The following GAS2L3 variants were observed in gnomAD, a reference collection of about 807,000 sequenced individuals.
GAS2L3 encodes growth arrest specific 2 like 3, also known as GAS2-like protein 3.
Under a neutral mutation model 37.0 loss-of-function variants are expected in GAS2L3, and 28 were observed. That is an observed-to-expected ratio of 0.76 (90% CI 0.56 to 1.04). GAS2L3 has a LOEUF of 1.04. Among genes scored for constraint, GAS2L3 ranks in the 50% least tolerant of loss-of-function variants. The pLI is 0.00. For synonymous variants in GAS2L3, 290 were observed against 296.6 expected, an observed-to-expected ratio of 0.98 and a Z score of 0.23; for missense variants, 793 against 817.6, an observed-to-expected ratio of 0.97 and a Z score of 0.37.
intron 1 of GAS2L3, among the ~76,000 whole-genome samples, chr12:100,587,688 C>A (rs112993000): frequency 0.016 from 2,405 of 152,234 alleles, 65 homozygotes; most frequent in African/African-American, 0.055. Flanking sequence ...ACAAGGATGC[C>A]CACTCTGACC....
intron 5 of GAS2L3, among the ~76,000 whole-genome samples, chr12:100,605,755 G>A (rs981730483): frequency 5.3e-5 from 8 of 151,258 alleles, no homozygotes; most frequent in East Asian, 1.9e-4. Context: ...CCCACTGGTC[G>A]GTCATTCAGA....
At position 100,623,727 on chromosome 12, in the gene GAS2L3, C is replaced by T. The variant is rs529481088; in HGVS notation, c.922C>T (p.Pro308Ser). Residue 308 changes from proline to serine, a missense_variant, in exon 10 of 10, where the codon CCT (proline) becomes TCT (serine). Physicochemically the swap from Pro to Ser is moderately conservative, Grantham distance 74. Coordinates refer to ENST00000547754, the MANE Select transcript of GAS2L3 (RefSeq NM_174942.3). ...TTCTAATGAAAGTGTACCTGATTCG[C>T]CTGCCAGAACACCTCAGCCTCCTGA... ...GVSNESVPDS[P>S]ARTPQPPEMN... 1.2e-5 allele frequency: 19 copies of T among 1,613,946 alleles called. No individual in the cohort carries two copies. The African/African-American group carries it at 2.5e-4, about 22-fold the overall frequency.
At chr12:100,579,312 A>C in intron 1 of GAS2L3, 1 of 651,402 alleles carries the variant, frequency 1.5e-6, no homozygotes, top group Non-Finnish European at 2.8e-6. Context: ...ACTAGTAAGG[A>C]AAATACCGTA....
At chr12:100,623,172 T>A (rs960812421) in intron 9 of GAS2L3, among the ~76,000 whole-genome samples, 1 of 152,156 alleles carries the variant, frequency 6.6e-6, no homozygotes, top group Admixed American at 6.6e-5. Context: ...GGCAGTATGA[T>A]GTAGTAGTGC....
At chr12:100,606,484 T>A (rs1956058604) in intron 5 of GAS2L3, among the ~76,000 whole-genome samples, 1 of 152,122 alleles carries the variant, frequency 6.6e-6, no homozygotes, top group Non-Finnish European at 1.5e-5. Context: ...TTACTCTATT[T>A]ACATTCAGTG....
At chr12:100,586,937 A>G (rs1197065500) in intron 1 of GAS2L3, among the ~76,000 whole-genome samples, 1 of 152,226 alleles carries the variant, frequency 6.6e-6, no homozygotes, top group African/African-American at 2.4e-5. Context: ...ATTCAAGGCT[A>G]CTATGAACAC....
intron 8 of GAS2L3, among the ~76,000 whole-genome samples, chr12:100,621,880 G>GGGGAGAGA (rs1262096300): frequency 1.0e-5 from 1 of 97,638 alleles, no homozygotes; most frequent in African/African-American, 4.7e-5. Context: ...AGGGTGGGGG[G>GGGGAGAGA]GGGAGAGAGA....
rs1172889724 is a variant in GAS2L3 at position 100,624,451 on chromosome 12, T to C, written c.1646T>C (p.Val549Ala). ...PSDGAPQAKP[V>A]PAQKLKSALN... Reference sequence around the variant, plus strand: ...GATGGAGCCCCACAAGCAAAGCCAGTCCCAGCACAGAAACTTAAATCGGCC... The same window carrying C: ...GATGGAGCCCCACAAGCAAAGCCAGCCCCAGCACAGAAACTTAAATCGGCC... Residue 549 changes from valine (V) to alanine (A), a missense_variant, in exon 10 of 10, where the codon GTC becomes GCC. Coordinates refer to ENST00000547754, the MANE Select transcript of GAS2L3 (RefSeq NM_174942.3). 3 of 1,613,972 alleles carry C rather than the reference T, an allele frequency of 1.9e-6. No homozygotes were observed. In the South Asian group the frequency reaches 3.3e-5, roughly 18 times the overall value.
At chr12:100,575,543 G>A (rs1168720676) in intron 1 of GAS2L3, among the ~76,000 whole-genome samples, 3 of 144,246 alleles carry the variant, frequency 2.1e-5, no homozygotes, top group Non-Finnish European at 4.5e-5. Flanking sequence ...GTGCAGTGGC[G>A]CGATCTCGGC....
intron 1 of GAS2L3, among the ~76,000 whole-genome samples, chr12:100,584,517 AT>A (rs1565797565): frequency 2.0e-5 from 3 of 150,820 alleles, no homozygotes; most frequent in South Asian, 2.1e-4. Context: ...CTCCTCCTGA[AT>A]TTTTTTCTTA....
chr12:100,593,862 T>C (rs1372239225), intron 2 of GAS2L3: 1 of 152,104 alleles, frequency 6.6e-6, no homozygotes, highest in Non-Finnish European at 1.5e-5. Context: ...AAGGACATTC[T>C]GTTGTCTTTT....
At chr12:100,579,975 C>A in intron 1 of GAS2L3, 1 of 894,684 alleles carries the variant, frequency 1.1e-6, no homozygotes. Flanking sequence ...AATGGACAAA[C>A]AACTGGACAG....
chr12:100,578,055 A>G (rs1955660337), intron 1 of GAS2L3, among the ~76,000 whole-genome samples: 1 of 152,234 alleles, frequency 6.6e-6, no homozygotes, highest in Admixed American at 6.5e-5. Flanking sequence ...ATGTCCTTGG[A>G]TCAGAGTTGT....
chr12:100,581,761 G>A (rs569016313), intron 1 of GAS2L3, among the ~76,000 whole-genome samples: 3 of 152,108 alleles, frequency 2.0e-5, no homozygotes, highest in South Asian at 4.2e-4. Context: ...CAATATTCAC[G>A]GTAAAGTGAG....
intron 1 of GAS2L3, chr12:100,580,266 C>CT: frequency 2.2e-6 from 1 of 451,982 alleles, no homozygotes; most frequent in Admixed American, 3.4e-5. Context: ...AAATAACCTG[C>CT]TTTTTGGGGG....
chr12:100,576,982 A>G (rs1364040813), intron 1 of GAS2L3, among the ~76,000 whole-genome samples: 5 of 152,200 alleles, frequency 3.3e-5, no homozygotes, highest in Non-Finnish European at 7.4e-5. Flanking sequence ...ACGTTTCTCT[A>G]AGAAAGTATA....
In GAS2L3 at chr12:100,622,749, TAAAAAAA is replaced by T; in HGVS notation, c.756+394_756+400del. ...ATCTAATAAGATTGAGTATCCATAG[TAAAAAAA>T]AAAAAAAAAAAAAAAAAAAAAAAAA... On this transcript the variant is annotated intron_variant, in intron 9 of 9. Coordinates refer to ENST00000547754, the MANE Select transcript of GAS2L3 (RefSeq NM_174942.3). Among the ~76,000 whole-genome samples the T allele has an allele frequency of 5.6e-4, 15 of 26,840 alleles. No individual in the cohort carries two copies. In the East Asian group the frequency reaches 0.013, roughly 22 times the overall value. The allele number at this position is 26,840 out of a possible 152,430, so 17.6% of individuals were successfully genotyped here. A position where few individuals can be genotyped will look rare whatever the true frequency, so the allele number is the denominator to read the frequency against.
rs1197130156 is a variant in GAS2L3 at position 100,618,601 on chromosome 12, A to T, written c.648+14A>T. On this transcript the variant is annotated intron_variant, in intron 8 of 9. Coordinates refer to ENST00000547754, the MANE Select transcript of GAS2L3 (RefSeq NM_174942.3). ...CTACATGAAGCTGTAAGTAGTTGCC[A>T]CACTTTCTTTTGACCATGATACCTT... 1 of 1,600,064 alleles carries T rather than the reference A, an allele frequency of 6.2e-7. No individual in the cohort carries two copies. Among genetic ancestry groups the T allele is most frequent in the Non-Finnish European group, 8.5e-7 (1 of 1,174,950 alleles).
intron 8 of GAS2L3, among the ~76,000 whole-genome samples, chr12:100,620,742 A>G (rs1468522806): frequency 1.3e-5 from 2 of 152,040 alleles, no homozygotes; most frequent in African/African-American, 4.8e-5. Flanking sequence ...TACAACAGCA[A>G]TTCTATATAC....
Sources: allele counts gnomAD v4.1 joint callset (sites outside exome capture counted in the v4.1 genomes callset), GRCh38; gene constraint gnomAD v4.1.1; transcripts MANE v1.5; gene names NCBI Gene and HGNC (gene_info 2026-07-23, HGNC 2026-07-21).